GPC3: variants seen among roughly 807,000 people sequenced by gnomAD.
GPC3 encodes glypican-3.
GPC3 carries 3 observed loss-of-function variants against 34.4 expected under a neutral mutation model. The observed-to-expected ratio is 0.09, with a 90% CI of 0.04 to 0.23. GPC3 has a LOEUF of 0.23. GPC3 is among the 10% of genes least tolerant of loss of function. The probability of loss-of-function intolerance (pLI) is 1.00; values close to 1 mark genes in which losing one functional copy is unlikely to be tolerated. For missense variants in GPC3, 351 were observed against 445.6 expected (o/e 0.79, Z 1.91); for synonymous variants, 177 against 174.0 (o/e 1.02, Z -0.13).
chrX:133,641,102 T>C (rs1299588094), intron 6 of GPC3, among the ~76,000 whole-genome samples: 1 of 109,530 alleles, frequency 9.1e-6, no homozygotes, highest in African/African-American at 3.3e-5. Context: ...AAAGGAAAAC[T>C]CCATTGAATA....
intron 6 of GPC3, among the ~76,000 whole-genome samples, chrX:133,632,297 G>A (rs1424034599): frequency 1.8e-5 from 2 of 109,972 alleles, no homozygotes; most frequent in Non-Finnish European, 3.8e-5. Flanking sequence ...ACGGGGTTTC[G>A]CCATGTTGGC....
In GPC3 at chrX:133,812,975, C is replaced by T. The variant is rs770085758; in HGVS notation, c.338-58799G>A. 2.9e-4 allele frequency among the ~76,000 whole-genome samples: 33 copies of T among 112,593 alleles called. No homozygotes were observed. The South Asian group carries it at 0.012, about 42-fold the overall frequency. On this transcript the variant is annotated intron_variant, in intron 2 of 7. Coordinates refer to ENST00000370818, the MANE Select transcript of GPC3 (RefSeq NM_004484.4). ...CTGCAAGCTAAGCTATTACTTGCCC[C>T]ACTCTATGCCTTGGTGAAGTGAAAG...
chrX:133,738,515 A>C (rs749435272), intron 3 of GPC3, among the ~76,000 whole-genome samples: 199 of 112,112 alleles, frequency 1.8e-3, no homozygotes, highest in African/African-American at 5.9e-3. Flanking sequence ...AATTATCCCA[A>C]AGATTTGTAA....
intron 2 of GPC3, among the ~76,000 whole-genome samples, chrX:133,925,832 T>C (rs1468697345): frequency 9.0e-6 from 1 of 111,574 alleles, no homozygotes; most frequent in Non-Finnish European, 1.9e-5. Flanking sequence ...TTTAGAAGGA[T>C]AACAACCAAG....
chrX:133,962,570 CTG>C (rs2076446395), intron 1 of GPC3, among the ~76,000 whole-genome samples: 1 of 111,696 alleles, frequency 9.0e-6, no homozygotes, highest in South Asian at 3.8e-4. Context: ...AAAAAGAAAA[CTG>C]GGTTGGAGAA....
At chrX:133,627,990 G>A (rs2070324540) in intron 6 of GPC3, among the ~76,000 whole-genome samples, 1 of 112,457 alleles carries the variant, frequency 8.9e-6, no homozygotes, top group African/African-American at 3.2e-5. Context: ...CAGTAGATGA[G>A]GATCCTGGAG....
At chrX:133,840,001 T>C (rs1289785418) in intron 2 of GPC3, among the ~76,000 whole-genome samples, 2 of 108,850 alleles carry the variant, frequency 1.8e-5, no homozygotes, top group Non-Finnish European at 3.8e-5. Context: ...AGAAATGTGG[T>C]TCCATACTCA....
chrX:133,590,891 C>A (rs2124323539), intron 7 of GPC3, among the ~76,000 whole-genome samples: 1 of 112,357 alleles, frequency 8.9e-6, no homozygotes, highest in South Asian at 3.8e-4. Context: ...AAGAAATGAA[C>A]ATAATCACAG....
At chrX:133,643,953 G>A (rs1287319584) in intron 6 of GPC3, among the ~76,000 whole-genome samples, 3 of 107,726 alleles carry the variant, frequency 2.8e-5, no homozygotes, top group Non-Finnish European at 5.7e-5. Context: ...TCAACCTCCC[G>A]AGTAGCTGGG....
chrX:133,711,183 T>A (rs952723220), intron 3 of GPC3, among the ~76,000 whole-genome samples: 1 of 112,008 alleles, frequency 8.9e-6, no homozygotes, highest in Non-Finnish European at 1.9e-5. Context: ...ACCATTCAAT[T>A]TGTGAACTTT....
At chrX:133,963,978 G>A (rs1569459969) in intron 1 of GPC3, among the ~76,000 whole-genome samples, 1 of 111,056 alleles carries the variant, frequency 9.0e-6, no homozygotes, top group Non-Finnish European at 1.9e-5. Context: ...TAGGTAGGAG[G>A]GAGGCTGAAT....
intron 3 of GPC3, among the ~76,000 whole-genome samples, chrX:133,710,074 C>T (rs2071253881): frequency 8.9e-6 from 1 of 111,846 alleles, no homozygotes; most frequent in South Asian, 3.8e-4. Context: ...AAGATAAAAG[C>T]TCACTAATAA....
intron 2 of GPC3, among the ~76,000 whole-genome samples, chrX:133,947,585 T>C (rs773232344): frequency 3.3e-4 from 37 of 112,198 alleles, no homozygotes; most frequent in African/African-American, 1.1e-3. Context: ...TGAAATGGCT[T>C]TAAACACTCA....
intron 2 of GPC3, among the ~76,000 whole-genome samples, chrX:133,870,951 T>A (rs2075991721): frequency 8.9e-6 from 1 of 112,040 alleles, no homozygotes; most frequent in Non-Finnish European, 1.9e-5. Context: ...AAGGCTTTCA[T>A]TCTCATGCTC....
intron 3 of GPC3, among the ~76,000 whole-genome samples, chrX:133,729,528 T>A (rs2071442504): frequency 8.9e-6 from 1 of 112,101 alleles, no homozygotes; most frequent in African/African-American, 3.2e-5. Context: ...TGACTCTCAC[T>A]AGACTATGAA....
intron 2 of GPC3, among the ~76,000 whole-genome samples, chrX:133,807,917 G>A (rs960389951): frequency 8.9e-6 from 1 of 112,156 alleles, no homozygotes; most frequent in Non-Finnish European, 1.9e-5. Flanking sequence ...ATGGGGTAAG[G>A]CCTAGAAATC....
At chrX:133,623,941 G>A (rs929594296) in intron 6 of GPC3, among the ~76,000 whole-genome samples, 6 of 111,798 alleles carry the variant, frequency 5.4e-5, no homozygotes, top group African/African-American at 2.0e-4. Context: ...TAAAAGAACA[G>A]AAATTTTAAC....
intron 2 of GPC3, among the ~76,000 whole-genome samples, chrX:133,844,250 C>T (rs926274684): frequency 8.9e-6 from 1 of 112,183 alleles, no homozygotes; most frequent in Non-Finnish European, 1.9e-5. Flanking sequence ...AAACTGTATA[C>T]TTGAAATTTG....
chrX:133,872,122 A>G (rs983106444), intron 2 of GPC3, among the ~76,000 whole-genome samples: 1 of 111,678 alleles, frequency 9.0e-6, no homozygotes, highest in Non-Finnish European at 1.9e-5. Context: ...GTTACCTTTT[A>G]TGTTAAATGT....
Sources: allele counts gnomAD v4.1 joint callset (sites outside exome capture counted in the v4.1 genomes callset), GRCh38; gene constraint gnomAD v4.1.1; transcripts MANE v1.5; gene names NCBI Gene and HGNC (gene_info 2026-07-23, HGNC 2026-07-21).